The following TRAPPC9 variants were observed in gnomAD, a reference collection of about 807,000 sequenced individuals.
TRAPPC9 encodes the protein IKK2 binding protein.
Under a neutral mutation model 124.0 loss-of-function variants are expected in TRAPPC9, and 83 were observed. The observed-to-expected ratio is 0.67, with a 90% confidence interval of 0.56 to 0.80. The LOEUF (loss-of-function observed/expected upper bound fraction) is 0.80, where lower values mean the gene tolerates loss of function less well. TRAPPC9 is among the 30% of genes least tolerant of loss of function. TRAPPC9 has a pLI of 0.00. For synonymous variants in TRAPPC9, 638 were observed against 617.5 expected (o/e 1.03, Z -0.49); for missense variants, 1,302 against 1,508.3 (o/e 0.86, Z 2.27).
At chr8:139,751,729 GCATC>G (rs113980054) in intron 21 of TRAPPC9, among the ~76,000 whole-genome samples, 15 of 146,512 alleles carry the variant, frequency 1.0e-4, no homozygotes, top group Admixed American at 3.4e-4. Flanking sequence ...CATCCATCCA[GCATC>G]CATCCATCCA....
chr8:139,803,762 T>C (rs1320321433), intron 21 of TRAPPC9, among the ~76,000 whole-genome samples: 3 of 152,216 alleles, frequency 2.0e-5, no homozygotes, highest in Non-Finnish European at 4.4e-5. Context: ...TTTCTTGAGA[T>C]AGATGCATCA....
At chr8:140,329,390 A>C (rs1202724469) in intron 9 of TRAPPC9, among the ~76,000 whole-genome samples, 1 of 152,210 alleles carries the variant, frequency 6.6e-6, no homozygotes. Context: ...ACAAATTAAA[A>C]ATGGGACAGG....
chr8:139,731,183 G>C lies in TRAPPC9; in HGVS notation c.3325C>G (p.Leu1109Val), dbSNP rs371403079. The C allele has an allele frequency of 3.1e-6, 5 of 1,613,590 alleles. No homozygotes were observed. The highest frequency in any genetic ancestry group is 4.2e-6 in the Non-Finnish European group (5 of 1,179,914). The change falls in exon 23 of 23, where the codon CTC becomes GTC. Residue 1109 changes from leucine (L) to valine (V), a missense_variant. Physicochemically the swap from Leu to Val is conservative, Grantham distance 32. Transcript: ENST00000438773. Reference sequence around the variant, plus strand: ...TGGAGGAAGAAGTCTCCCGTGTAGAGGAAGAGGAGGGCCCCGAGGCAGGCC... The same window carrying C: ...TGGAGGAAGAAGTCTCCCGTGTAGACGAAGAGGAGGGCCCCGAGGCAGGCC... ...QSACLGALLF[L>V]YTGDFFLHIR... is the part of the protein sequence containing the mutation.
intron 18 of TRAPPC9, among the ~76,000 whole-genome samples, chr8:139,993,240 T>C (rs1231994555): frequency 6.6e-6 from 1 of 151,952 alleles, no homozygotes; most frequent in Non-Finnish European, 1.5e-5. Context: ...AATGACCCAA[T>C]AGAAAATTAA....
chr8:140,406,952 G>A (rs1222231992), intron 5 of TRAPPC9, among the ~76,000 whole-genome samples: 3 of 152,198 alleles, frequency 2.0e-5, no homozygotes, highest in South Asian at 4.1e-4. Context: ...ACTGTGGGTA[G>A]AGAATTGAGA....
intron 21 of TRAPPC9, among the ~76,000 whole-genome samples, chr8:139,753,888 G>A (rs1311577258): frequency 2.0e-5 from 3 of 152,208 alleles, no homozygotes; most frequent in Admixed American, 6.5e-5. Flanking sequence ...ATGGGACAGC[G>A]AGGTGTCTGC....
At chr8:139,806,468 C>A (rs1234648120) in intron 21 of TRAPPC9, among the ~76,000 whole-genome samples, 1 of 152,156 alleles carries the variant, frequency 6.6e-6, no homozygotes, top group East Asian at 1.9e-4. Flanking sequence ...GGCAGTGACA[C>A]CAAGGACCCG....
intron 21 of TRAPPC9, among the ~76,000 whole-genome samples, chr8:139,804,977 T>C (rs1378290456): frequency 2.0e-5 from 3 of 152,216 alleles, no homozygotes; most frequent in Middle Eastern, 6.3e-3. Flanking sequence ...GGTCCTCAAG[T>C]GGCAACACTC....
At chr8:140,050,866 C>T (rs1227922897) in intron 17 of TRAPPC9, among the ~76,000 whole-genome samples, 2 of 152,180 alleles carry the variant, frequency 1.3e-5, no homozygotes, top group African/African-American at 2.4e-5. Flanking sequence ...CAGCCCTGCA[C>T]AGGGGGAAGG....
intron 15 of TRAPPC9, among the ~76,000 whole-genome samples, chr8:140,262,430 G>A (rs1279595255): frequency 6.6e-6 from 1 of 152,052 alleles, no homozygotes; most frequent in African/African-American, 2.4e-5. Context: ...TTTGTCTTAA[G>A]ATCAGCTTAT....
chr8:139,908,919 T>C (rs1005879832), intron 20 of TRAPPC9, among the ~76,000 whole-genome samples: 1 of 152,240 alleles, frequency 6.6e-6, no homozygotes, highest in Non-Finnish European at 1.5e-5. Flanking sequence ...ACTGTTCCTG[T>C]TCACTACGTG....
chr8:140,412,240 C>T (rs1416818387), intron 5 of TRAPPC9, among the ~76,000 whole-genome samples: 3 of 152,120 alleles, frequency 2.0e-5, no homozygotes, highest in Non-Finnish European at 2.9e-5. Flanking sequence ...AATGCAAAAC[C>T]TCATAATCAA....
chr8:140,065,775 G>A (rs1021365767), intron 17 of TRAPPC9, among the ~76,000 whole-genome samples: 5 of 152,192 alleles, frequency 3.3e-5, no homozygotes, highest in African/African-American at 7.2e-5. Flanking sequence ...ACCACGTCAC[G>A]TAAGACAGCT....
intron 19 of TRAPPC9, among the ~76,000 whole-genome samples, chr8:139,937,794 C>T (rs1587279587): frequency 6.6e-6 from 1 of 152,138 alleles, no homozygotes; most frequent in African/African-American, 2.4e-5. Context: ...TTTCTAATCG[C>T]GTTAAACATG....
chr8:139,989,521 T>C (rs1837490496), intron 18 of TRAPPC9, among the ~76,000 whole-genome samples: 1 of 152,230 alleles, frequency 6.6e-6, no homozygotes, highest in African/African-American at 2.4e-5. Flanking sequence ...CACAGTCCCC[T>C]AGAGACTTTC....
At chr8:139,732,741 G>A (rs1393219155) in intron 21 of TRAPPC9, among the ~76,000 whole-genome samples, 1 of 152,216 alleles carries the variant, frequency 6.6e-6, no homozygotes, top group Non-Finnish European at 1.5e-5. Context: ...TAAAGTGGCT[G>A]CACTGTGTTT....
rs747923086 is a variant in TRAPPC9 at position 140,397,623 on chromosome 8, T to A, written c.1131A>T (p.Arg377=). The change falls in exon 7 of 23, where the codon CGA becomes CGT. Residue 377 remains arginine, a synonymous_variant. Transcript: ENST00000438773. ...FLQNAVYINL[R]QLSEEEKIQR... is the part of the protein sequence containing the mutation. ...TTACAGGTAGACATACACTCACCTG[T>A]CGAAGGTTAATGTAAACTGCATTCT... 3 of 1,613,986 alleles carry A rather than the reference T, an allele frequency of 1.9e-6. No homozygotes were observed. In the South Asian group the frequency reaches 3.3e-5, roughly 18 times the overall value.
intron 11 of TRAPPC9, among the ~76,000 whole-genome samples, chr8:140,296,359 G>A (rs1012016038): frequency 6.6e-6 from 1 of 152,198 alleles, no homozygotes; most frequent in Non-Finnish European, 1.5e-5. Flanking sequence ...CGACCTCCCA[G>A]GCTCAGGTGA....
chr8:140,244,677 C>T (rs1239749617), intron 16 of TRAPPC9, among the ~76,000 whole-genome samples: 3 of 152,118 alleles, frequency 2.0e-5, no homozygotes, highest in African/African-American at 7.2e-5. Flanking sequence ...GTGCAGCAGC[C>T]TGGCTCGATC....
Sources: allele counts gnomAD v4.1 joint callset (sites outside exome capture counted in the v4.1 genomes callset), GRCh38; gene constraint gnomAD v4.1.1; transcripts MANE v1.5; gene names NCBI Gene and HGNC (gene_info 2026-07-23, HGNC 2026-07-21).